The following FANCD2OS variants were observed in gnomAD, a reference collection of about 807,000 sequenced individuals.
FANCD2OS encodes FANCD2 opposite strand protein.
FANCD2OS carries 11 observed loss-of-function variants against 13.2 expected under a neutral mutation model. That is an observed-to-expected ratio of 0.83 (90% CI 0.52 to 1.38). The LOEUF (loss-of-function observed/expected upper bound fraction) is 1.38. Among genes scored for constraint, FANCD2OS ranks in the 40% most tolerant of loss-of-function variants. FANCD2OS has a pLI of 0.00. For synonymous variants in FANCD2OS, 69 were observed against 84.5 expected, an observed-to-expected ratio of 0.82 and a Z score of 1.01; for missense variants, 217 against 213.9, an observed-to-expected ratio of 1.01 and a Z score of -0.09.
At chr3:10,090,225 G>C in intron 2 of FANCD2OS, 1 of 1,214,142 alleles carries the variant, frequency 8.2e-7, no homozygotes, top group African/African-American at 1.5e-5. Flanking sequence ...TTTGGTTCCT[G>C]GTTCTTCCCA....
chr3:10,093,893 A>G (rs1552244), intron 2 of FANCD2OS, among the ~76,000 whole-genome samples: 38,282 of 152,072 alleles, frequency 0.25, 6,642 homozygotes, highest in African/African-American at 0.49. Context: ...GGAGATGGGC[A>G]AGTTGGAGAG....
intron 2 of FANCD2OS, among the ~76,000 whole-genome samples, chr3:10,084,052 G>T (rs541293295): frequency 7.3e-5 from 11 of 151,146 alleles, no homozygotes; most frequent in Middle Eastern, 3.5e-3. Flanking sequence ...GGAGTGCAGT[G>T]GCGCGATCTC....
chr3:10,103,603 C>T (rs1192802863), downstream of FANCD2OS, among the ~76,000 whole-genome samples: 3 of 152,222 alleles, frequency 2.0e-5, no homozygotes, highest in South Asian at 4.1e-4. Flanking sequence ...TACAAAATTA[C>T]ATTAGGAGTA....
intron 2 of FANCD2OS, among the ~76,000 whole-genome samples, chr3:10,089,318 A>G (rs1163573647): frequency 6.6e-6 from 1 of 151,886 alleles, no homozygotes; most frequent in African/African-American, 2.4e-5. Context: ...ACACTGTCCA[A>G]CGTATATAGC....
downstream of FANCD2OS, chr3:10,103,231 T>C (rs1695371800): frequency 6.8e-6 from 2 of 295,484 alleles, no homozygotes; most frequent in South Asian, 5.2e-5. Flanking sequence ...GGAGAAACCC[T>C]GTCTGTACTA....
chr3:10,093,368 G>T, intron 2 of FANCD2OS: 1 of 1,495,604 alleles, frequency 6.7e-7, no homozygotes, highest in Non-Finnish European at 9.3e-7. Flanking sequence ...TCTTCCTGTG[G>T]ATCACTCTAG....
intron 2 of FANCD2OS, chr3:10,090,185 A>G: frequency 1.3e-6 from 1 of 757,436 alleles, no homozygotes; most frequent in Admixed American, 2.0e-5. Context: ...TAGTGAAAGG[A>G]CATTTAGAGA....
intron 2 of FANCD2OS, chr3:10,096,330 A>G (rs1694957077): frequency 6.2e-7 from 1 of 1,613,966 alleles, no homozygotes; most frequent in African/African-American, 1.3e-5. Flanking sequence ...ATTCAGATTC[A>G]CCAGGACACG....
In FANCD2OS at chr3:10,085,893, A is replaced by C. The variant is rs1390484498; in HGVS notation, c.*44-4362T>G. On this transcript the variant is annotated intron_variant, in intron 2 of 2. Transcript: ENST00000524279. ...TTAGTAGCCGACTGAAACAGGGAGAACACAGCCAGCCTTTGGAGGAACTAC... is the reference window on the plus strand; with the variant it reads ...TTAGTAGCCGACTGAAACAGGGAGACCACAGCCAGCCTTTGGAGGAACTAC... 1.9e-6 allele frequency: 3 copies of C among 1,613,372 alleles called. No individual in the cohort carries two copies. In the Admixed American group the frequency reaches 5.0e-5, roughly 27 times the overall value.
downstream of FANCD2OS, among the ~76,000 whole-genome samples, chr3:10,102,143 CTTTTTT>C (rs747148572): frequency 7.5e-6 from 1 of 133,210 alleles, no homozygotes; most frequent in Non-Finnish European, 1.6e-5. Context: ...ATCTTCTTTC[CTTTTTT>C]TTTTTTTTTT....
intron 2 of FANCD2OS, chr3:10,088,442 C>G: frequency 6.3e-7 from 1 of 1,588,450 alleles, no homozygotes; most frequent in Admixed American, 1.7e-5. Flanking sequence ...GTCTTCTTTT[C>G]TAACAGCTTC....
At chr3:10,097,245 T>C (rs1695024108) in intron 2 of FANCD2OS, among the ~76,000 whole-genome samples, 1 of 152,210 alleles carries the variant, frequency 6.6e-6, no homozygotes, top group Non-Finnish European at 1.5e-5. Flanking sequence ...CTGTCATTGA[T>C]AACATCTTAT....
chr3:10,094,824 T>G (rs987137741), intron 2 of FANCD2OS: 6 of 343,964 alleles, frequency 1.7e-5, no homozygotes, highest in African/African-American at 1.0e-4. Context: ...TAGAATCACA[T>G]TATTTCCTAT....
At chr3:10,088,083 G>C (rs1263429635) in intron 2 of FANCD2OS, among the ~76,000 whole-genome samples, 1 of 152,150 alleles carries the variant, frequency 6.6e-6, no homozygotes, top group African/African-American at 2.4e-5. Flanking sequence ...GGAAGGTTTG[G>C]TCTCAATCTT....
chr3:10,083,218 C>G (rs1693953467), intron 2 of FANCD2OS, among the ~76,000 whole-genome samples: 1 of 151,450 alleles, frequency 6.6e-6, no homozygotes, highest in Non-Finnish European at 1.5e-5. Flanking sequence ...CAGAACCAGA[C>G]CCCATCTCAA....
At chr3:10,104,823 C>T in intron 1 of FANCD2OS, 41 bp from the exon 2 acceptor site, 1 of 1,512,096 alleles carries the variant, frequency 6.6e-7, no homozygotes, top group Non-Finnish European at 8.9e-7. Context: ...CCCTGACATG[C>T]TTTTCATGAG....
chr3:10,094,312 A>G (rs1014399633), intron 2 of FANCD2OS: 1 of 1,613,966 alleles, frequency 6.2e-7, no homozygotes, highest in African/African-American at 1.3e-5. Flanking sequence ...TTGTGGAAGC[A>G]TTTCTGAAGC....
chr3:10,086,950 T>C (rs1694242392), intron 2 of FANCD2OS, among the ~76,000 whole-genome samples: 1 of 152,202 alleles, frequency 6.6e-6, no homozygotes, highest in African/African-American at 2.4e-5. Flanking sequence ...GCTTTTTCCA[T>C]ACAAAGGTAT....
chr3:10,097,135 C>G (rs1404526628), intron 2 of FANCD2OS, among the ~76,000 whole-genome samples: 3 of 152,122 alleles, frequency 2.0e-5, no homozygotes, highest in African/African-American at 7.2e-5. Context: ...AAGTACTTAA[C>G]AGGGTAATAG....
Sources: gnomAD v4.1 joint callset for allele counts (sites outside exome capture counted in the v4.1 genomes callset) on GRCh38, gnomAD v4.1.1 for gene constraint, MANE v1.5 for transcripts, NCBI Gene and HGNC (gene_info 2026-07-23, HGNC 2026-07-21) for gene names.